The following TMEM255B variants were observed in gnomAD, a reference collection of about 807,000 sequenced individuals.
The protein encoded by TMEM255B is family with sequence similarity 70, member B.
In TMEM255B, 35 loss-of-function variants were observed where a neutral mutation model predicts 34.5. The observed-to-expected ratio is 1.01, with a 90% CI of 0.77 to 1.34. The LOEUF (loss-of-function observed/expected upper bound fraction) is 1.34. Ranked by LOEUF, TMEM255B falls within the 40% of genes most tolerant of loss-of-function variation. The probability of loss-of-function intolerance (pLI) is 0.00; values close to 1 mark genes in which losing one functional copy is unlikely to be tolerated. For synonymous variants in TMEM255B, 206 were observed against 201.2 expected (o/e 1.02, Z -0.20); for missense variants, 432 against 433.2 (o/e 1.00, Z 0.02).
chr13:113,801,241 G>A lies in TMEM255B; in HGVS notation c.509+329G>A, dbSNP rs1413534363. Among the ~76,000 whole-genome samples the A allele has an allele frequency of 6.6e-5, 10 of 152,328 alleles. No homozygotes were observed. In the South Asian group the frequency reaches 8.3e-4, roughly 13 times the overall value. ...TGATCTGCCCAAGAGGACACAGCCC[G>A]TGTGTGTCGGGCGAGAGTTTAAACC... On this transcript the variant is annotated intron_variant, in intron 6 of 8. Transcript: ENST00000375353.
At position 113,800,895 on chromosome 13, in the gene TMEM255B, C is replaced by A; in HGVS notation, c.492C>A (p.Asp164Glu). Residue 164 changes from aspartate to glutamate, a missense_variant, in exon 6 of 9, where the codon GAC becomes GAA. Physicochemically the swap from Asp to Glu is conservative, Grantham distance 45. Transcript: ENST00000375353. ...KVRSNTCYCCDLYACGSAEPS... is the reference protein window; with the variant it reads ...KVRSNTCYCCELYACGSAEPS... ...GAAGCAACACCTGTTACTGCTGTGA[C>A]CTCTATGCCTGCGGGAGGTGAGGGG... 6.2e-7 allele frequency: 1 copy of A among 1,609,994 alleles called. No individual in the cohort carries two copies.
At chr13:113,796,907 G>A (rs367909335) in intron 4 of TMEM255B, among the ~76,000 whole-genome samples, 2 of 150,866 alleles carry the variant, frequency 1.3e-5, no homozygotes, top group African/African-American at 4.9e-5. Flanking sequence ...CAAAACACAC[G>A]TGCGTGCGCA....
At chr13:113,782,969 C>T (rs956701508) in intron 3 of TMEM255B, among the ~76,000 whole-genome samples, 2 of 152,034 alleles carry the variant, frequency 1.3e-5, no homozygotes, top group Admixed American at 6.6e-5. Context: ...CTTTGTTCCT[C>T]GTTTGTGTTG....
chr13:113,811,150 G>A (rs1356445739), intron 8 of TMEM255B, among the ~76,000 whole-genome samples: 8 of 147,932 alleles, frequency 5.4e-5, no homozygotes, highest in Non-Finnish European at 9.0e-5. Flanking sequence ...TCTGTGGGGT[G>A]GGGGCCCGTG....
intron 3 of TMEM255B, among the ~76,000 whole-genome samples, chr13:113,775,433 G>A (rs111285071): frequency 0.011 from 1,702 of 152,358 alleles, 43 homozygotes; most frequent in African/African-American, 0.039. Flanking sequence ...GAGGGTCTCC[G>A]CCCCTTTGGG....
At chr13:113,784,767 A>G (rs1021276741) in intron 3 of TMEM255B, among the ~76,000 whole-genome samples, 4 of 151,952 alleles carry the variant, frequency 2.6e-5, no homozygotes, top group Non-Finnish European at 5.9e-5. Context: ...AAGACAAGGC[A>G]GGTGGCTAGA....
At position 113,811,945 on chromosome 13, in the gene TMEM255B, T is replaced by TAAAA. The variant is rs67868509; in HGVS notation, c.*47_*50dup. 2.3e-4 allele frequency: 340 copies of TAAAA among 1,493,464 alleles called. No homozygotes were observed. Among genetic ancestry groups the TAAAA allele is most frequent in the East Asian group, 9.9e-4 (41 of 41,386 alleles). 92.5% of individuals were successfully genotyped at this position (1,493,464 alleles called of 1,614,324 possible). On this transcript the variant is annotated 3_prime_UTR_variant, in exon 9 of 9. Coordinates refer to ENST00000375353, the MANE Select transcript of TMEM255B (RefSeq NM_182614.4). The stretch of plus-strand genomic sequence containing the variant: ...AAGATAACTTGTTTGTTTTTTTTTT[T>TAAAA]AAAAAAAAGGCAGCCTCTAGAAATC...
rs560524248 is a variant in TMEM255B, at chr13:113,770,008, C to T, written c.252+848C>T. Among the ~76,000 whole-genome samples, 8 of 152,206 alleles carry T rather than the reference C, an allele frequency of 5.3e-5. No homozygotes were observed. Among genetic ancestry groups the T allele is most frequent in the African/African-American group, 1.4e-4 (6 of 41,518 alleles). ...CCCTGCCTGTTCCCAGTTCCCAGGC[C>T]GAGAGGGAGGGTGAGATGGCTGGGC... On this transcript the variant is annotated intron_variant, in intron 3 of 8. Coordinates refer to ENST00000375353, the MANE Select transcript of TMEM255B (RefSeq NM_182614.4). The surrounding 1 kb of genome is among the most constrained non-coding windows in gnomAD (Gnocchi z 4.6).
chr13:113,778,507 G>A (rs2050616065), intron 3 of TMEM255B, among the ~76,000 whole-genome samples: 1 of 150,444 alleles, frequency 6.6e-6, no homozygotes, highest in South Asian at 2.1e-4. Flanking sequence ...ATGATCACCT[G>A]TGGTACTGTG....
At chr13:113,762,407 GT>G (rs1482243041) in intron 1 of TMEM255B, among the ~76,000 whole-genome samples, 1 of 152,164 alleles carries the variant, frequency 6.6e-6, no homozygotes, top group African/African-American at 2.4e-5. Flanking sequence ...CCCCATGTAA[GT>G]TCTACTGTCT....
chr13:113,785,730 C>T (rs2050730753), intron 3 of TMEM255B, among the ~76,000 whole-genome samples: 1 of 152,188 alleles, frequency 6.6e-6, no homozygotes, highest in Non-Finnish European at 1.5e-5. Context: ...CTGGACGTGA[C>T]TGTGGGTGCT....
At chr13:113,761,216 C>A (rs1028680183) in intron 1 of TMEM255B, 3 of 985,210 alleles carry the variant, frequency 3.0e-6, no homozygotes, top group African/African-American at 3.5e-5. Flanking sequence ...GCAGGAAGGC[C>A]GGATCTTAGA....
intron 1 of TMEM255B, among the ~76,000 whole-genome samples, chr13:113,765,268 A>G (rs1308853961): frequency 2.6e-5 from 4 of 152,216 alleles, no homozygotes; most frequent in Non-Finnish European, 5.9e-5. Flanking sequence ...GCATCTGCAC[A>G]TTGATTTATA....
chr13:113,768,787 TG>T (rs779068649), intron 2 of TMEM255B: 12 of 485,426 alleles, frequency 2.5e-5, no homozygotes, highest in Non-Finnish European at 5.0e-5. Flanking sequence ...TTGGTGGCCC[TG>T]GGTTCCCGAA....
intron 8 of TMEM255B, among the ~76,000 whole-genome samples, chr13:113,807,784 T>TG (rs1276692785): frequency 9.5e-6 from 1 of 105,312 alleles, no homozygotes; most frequent in Non-Finnish European, 1.9e-5. Flanking sequence ...TTACGGGATG[T>TG]GGGGGGCGGT....
chr13:113,769,008 T>C lies in TMEM255B; in HGVS notation c.190-90T>C, dbSNP rs1242571316. On this transcript the variant is annotated intron_variant, in intron 2 of 8. Transcript: ENST00000375353. The surrounding 1 kb of genome is among the most constrained non-coding windows in gnomAD (Gnocchi z 4.2). The stretch of plus-strand genomic sequence containing the variant: ...GCCTTCGTCCCTGGATAAAATGCCT[T>C]TGAGGGCGGGATTATTTGCTTTAAA... 6.8e-7 allele frequency: 1 copy of C among 1,459,894 alleles called. No individual in the cohort carries two copies. Among genetic ancestry groups the C allele is most frequent in the Non-Finnish European group, 9.6e-7 (1 of 1,044,710 alleles). The allele number at this position is 1,459,894 out of a possible 1,614,324, so 90.4% of individuals were successfully genotyped here.
At position 113,814,288 on chromosome 13, in the gene TMEM255B, C is replaced by T. The variant is rs2051380289; in HGVS notation, c.*2385C>T. Reference sequence around the variant, plus strand: ...GGCCAGCAAAGTCACAGGAATAACCCTCCTTCCCCTCATGTCAGCCCTCGG... The same window carrying T: ...GGCCAGCAAAGTCACAGGAATAACCTTCCTTCCCCTCATGTCAGCCCTCGG... On this transcript the variant is annotated 3_prime_UTR_variant, in exon 9 of 9. Transcript: ENST00000375353. 6.6e-6 allele frequency: 1 copy of T among 152,322 alleles called. No homozygotes were observed. The highest frequency in any genetic ancestry group is 1.5e-5 in the Non-Finnish European group (1 of 68,122). 9.4% of individuals were successfully genotyped at this position (152,322 alleles called of 1,614,324 possible).
At chr13:113,807,378 T>TA in intron 8 of TMEM255B, among the ~76,000 whole-genome samples, 1 of 117,248 alleles carries the variant, frequency 8.5e-6, no homozygotes, top group African/African-American at 3.8e-5. Context: ...TTACGGGATG[T>TA]GGGGGTGGTC....
At chr13:113,791,768 C>A (rs1198130731) in intron 3 of TMEM255B, among the ~76,000 whole-genome samples, 1 of 152,218 alleles carries the variant, frequency 6.6e-6, no homozygotes, top group Non-Finnish European at 1.5e-5. Flanking sequence ...TTTTTTCCTT[C>A]TGCCTCTTTG....
Sources: gnomAD v4.1 joint callset for allele counts (sites outside exome capture counted in the v4.1 genomes callset) on GRCh38, gnomAD v4.1.1 for gene constraint, Gnocchi (gnomAD v3.1) non-coding constraint, MANE v1.5 for transcripts, NCBI Gene and HGNC (gene_info 2026-07-23, HGNC 2026-07-21) for gene names.